EVI2B: variants seen among roughly 807,000 people sequenced by gnomAD.
The protein encoded by EVI2B is ecotropic viral integration site 2B, also known as protein EVI2B.
EVI2B carries 4 observed loss-of-function variants against 6.6 expected under a neutral mutation model. That is an observed-to-expected ratio of 0.61 (90% CI 0.30 to 1.39). The LOEUF is 1.39. Ranked by LOEUF, EVI2B falls within the 40% of genes most tolerant of loss-of-function variation. The pLI, the probability that EVI2B is intolerant of heterozygous loss-of-function variation, is 0.08. For missense variants in EVI2B, 484 were observed against 516.6 expected (o/e 0.94, Z 0.61); for synonymous variants, 181 against 186.8 (o/e 0.97, Z 0.25).
In EVI2B at chr17:31,304,185, C is replaced by T. The variant is rs2068643298; in HGVS notation, c.*78G>A. On this transcript the variant is annotated 3_prime_UTR_variant, in exon 2 of 2. Coordinates refer to ENST00000330927, the MANE Select transcript of EVI2B (RefSeq NM_006495.4). ...AAAATCAAAATTGACTATCAGTTGC[C>T]ATTTTATATATGTTAACATATAAAG... 7.3e-7 allele frequency: 1 copy of T among 1,371,568 alleles called. No individual in the cohort carries two copies. Among genetic ancestry groups the T allele is most frequent in the East Asian group, 2.3e-5 (1 of 42,768 alleles). The allele number at this position is 1,371,568 out of a possible 1,614,324, so 85.0% of individuals were successfully genotyped here.
intron 1 of EVI2B, 92 bp downstream of exon 1, chr17:31,313,887 A>C (rs2068955312): frequency 2.5e-6 from 1 of 394,340 alleles, no homozygotes; most frequent in Non-Finnish European, 4.5e-6. Context: ...TCTTTAGACT[A>C]TCAGAGTTTA....
At chr17:31,308,610 G>GT (rs1251828172) in intron 1 of EVI2B, among the ~76,000 whole-genome samples, 2 of 149,996 alleles carry the variant, frequency 1.3e-5, no homozygotes, top group African/African-American at 2.4e-5. Flanking sequence ...CTTCTATGCT[G>GT]TTTTTTACCC....
At chr17:31,305,859 G>A (rs1403251091) in intron 1 of EVI2B, among the ~76,000 whole-genome samples, 2 of 152,156 alleles carry the variant, frequency 1.3e-5, no homozygotes, top group African/African-American at 4.8e-5. Context: ...GACCTCATAA[G>A]CAGTGATCTC....
chr17:31,305,885 A>G (rs1026472883), intron 1 of EVI2B, among the ~76,000 whole-genome samples: 2 of 152,194 alleles, frequency 1.3e-5, no homozygotes, highest in South Asian at 4.1e-4. Flanking sequence ...TTTTATTAAT[A>G]CAAGTTCTGT....
chr17:31,307,556 G>A (rs1203046484), intron 1 of EVI2B, among the ~76,000 whole-genome samples: 1 of 152,208 alleles, frequency 6.6e-6, no homozygotes, highest in Non-Finnish European at 1.5e-5. Context: ...AAAACTTGGA[G>A]AGTTAAGTTT....
Position 31,305,632 on chromosome 17 carries a change from T to C in EVI2B, c.-21-2A>G. The C allele has an allele frequency of 6.3e-7, 1 of 1,592,920 alleles. No homozygotes were observed. Among genetic ancestry groups the C allele is most frequent in the Non-Finnish European group, 8.6e-7 (1 of 1,169,452 alleles). ...CATTTCAGAATATTTCCTCGTTATCTATAGCGGGTTTATAATGAAAGAGAA... is the reference window on the plus strand; with the variant it reads ...CATTTCAGAATATTTCCTCGTTATCCATAGCGGGTTTATAATGAAAGAGAA... On this transcript the variant is annotated splice_acceptor_variant, in intron 1 of 1. Transcript: ENST00000330927. LOFTEE classifies it low-confidence loss of function (5UTR_SPLICE).
chr17:31,308,290 A>G (rs550128766), intron 1 of EVI2B, among the ~76,000 whole-genome samples: 4 of 151,932 alleles, frequency 2.6e-5, no homozygotes, highest in African/African-American at 4.8e-5. Context: ...GTAGGCATAC[A>G]CTACCACACC....
chr17:31,306,102 C>T (rs2068713773), intron 1 of EVI2B, among the ~76,000 whole-genome samples: 1 of 152,030 alleles, frequency 6.6e-6, no homozygotes, highest in Non-Finnish European at 1.5e-5. Context: ...TTCTTCTCTC[C>T]CCTCCCCTCC....
chr17:31,304,328 T>C lies in EVI2B; in HGVS notation c.1282A>G (p.Ile428Val). 1 of 1,614,130 alleles carries C rather than the reference T, an allele frequency of 6.2e-7. No individual in the cohort carries two copies. Among genetic ancestry groups the C allele is most frequent in the African/African-American group, 1.3e-5 (1 of 75,052 alleles). ...NLEIQCQEFS[I>V]PPNSDQDLNE... ...AGATCTTGATCAGAGTTGGGAGGAATAGAGAACTCCTGACACTGGATCTCA... is the reference window on the plus strand; with the variant it reads ...AGATCTTGATCAGAGTTGGGAGGAACAGAGAACTCCTGACACTGGATCTCA... The change falls in exon 2 of 2, where the codon ATT becomes GTT. Residue 428 changes from isoleucine (I) to valine (V), a missense_variant. Physicochemically the swap from Ile to Val is conservative, Grantham distance 29. Transcript: ENST00000330927.
At chr17:31,308,241 G>A (rs750022908) in intron 1 of EVI2B, among the ~76,000 whole-genome samples, 5 of 151,780 alleles carry the variant, frequency 3.3e-5, no homozygotes, top group Admixed American at 2.0e-4. Context: ...GGGTTCAAGC[G>A]ATTCTTGTGC....
intron 1 of EVI2B, among the ~76,000 whole-genome samples, chr17:31,313,326 C>T (rs534127966): frequency 6.6e-6 from 1 of 152,212 alleles, no homozygotes; most frequent in East Asian, 1.9e-4. Flanking sequence ...TCAGTCATAG[C>T]CTGTGGAATC....
rs2068661005 is a variant in EVI2B, at chr17:31,304,689, C to G, written c.921G>C (p.Glu307Asp). The change falls in exon 2 of 2, where the codon GAG becomes GAC. Residue 307 changes from glutamate to aspartate, a missense_variant. Transcript: ENST00000330927. ...TACCATTTACTTGATCTTTTATTTT[C>G]TCTGTTTTGGGGTTGTTGGAGTCTT... The part of the protein sequence containing the change: ...NIEDSNNPKT[E>D]KIKDQVNGTS... The G allele has an allele frequency of 6.2e-7, 1 of 1,614,106 alleles. No individual in the cohort carries two copies. Among genetic ancestry groups the G allele is most frequent in the African/African-American group, 1.3e-5 (1 of 75,030 alleles).
At chr17:31,311,000 G>A (rs1160217926) in intron 1 of EVI2B, among the ~76,000 whole-genome samples, 1 of 146,774 alleles carries the variant, frequency 6.8e-6, no homozygotes, top group Non-Finnish European at 1.5e-5. Context: ...GGGTTGCAGT[G>A]CAGTGGTGCA....
At chr17:31,306,041 G>T (rs2068711959) in intron 1 of EVI2B, among the ~76,000 whole-genome samples, 1 of 151,984 alleles carries the variant, frequency 6.6e-6, no homozygotes, top group African/African-American at 2.4e-5. Flanking sequence ...TGATTCTCCT[G>T]CCTTGAAGAA....
chr17:31,307,954 A>G (rs1447162283), intron 1 of EVI2B: 2 of 1,281,942 alleles, frequency 1.6e-6, no homozygotes, highest in Admixed American at 2.3e-5. Flanking sequence ...GTGATGATAA[A>G]TGGCCCTGTT....
intron 1 of EVI2B, among the ~76,000 whole-genome samples, chr17:31,308,849 TCACTCA>T (rs1448312425): frequency 1.3e-5 from 2 of 152,348 alleles, no homozygotes; most frequent in Non-Finnish European, 2.9e-5. Flanking sequence ...TGTATGTATC[TCACTCA>T]CACTTCTATT....
intron 1 of EVI2B, 39 bp from the exon 2 acceptor site, chr17:31,305,669 CGTCATTGGT>C: frequency 6.6e-7 from 1 of 1,525,626 alleles, no homozygotes; most frequent in Non-Finnish European, 8.8e-7. Context: ...GACAGTTAGG[CGTCATTGGT>C]GTCTAGTTAA....
chr17:31,310,296 A>G (rs1248779574), intron 1 of EVI2B, among the ~76,000 whole-genome samples: 4 of 152,178 alleles, frequency 2.6e-5, no homozygotes, highest in Non-Finnish European at 5.9e-5. Context: ...CAGCGAACAG[A>G]AAAGAGGAAG....
chr17:31,308,437 G>A (rs1377270256), intron 1 of EVI2B, among the ~76,000 whole-genome samples: 2 of 151,994 alleles, frequency 1.3e-5, no homozygotes. Flanking sequence ...CACCACGCCT[G>A]GCCTGTTAAG....
Sources: allele counts gnomAD v4.1 joint callset (sites outside exome capture counted in the v4.1 genomes callset), GRCh38; gene constraint gnomAD v4.1.1; transcripts MANE v1.5; gene names NCBI Gene and HGNC (gene_info 2026-07-23, HGNC 2026-07-21).